Variants in PRDM5 observed in about 807,000 individuals in gnomAD.
The protein encoded by PRDM5 is PR/SET domain 5.
In PRDM5, 56 loss-of-function variants were observed where a neutral mutation model predicts 81.2. The observed-to-expected ratio is 0.69, with a 90% CI of 0.56 to 0.86. The LOEUF is 0.86. PRDM5 is among the 40% of genes least tolerant of loss of function. The pLI, the probability that PRDM5 is intolerant of heterozygous loss-of-function variation, is 0.00. For synonymous variants in PRDM5, 267 were observed against 256.4 expected (o/e 1.04, Z -0.39); for missense variants, 697 against 770.1 (o/e 0.91, Z 1.12).
chr4:120,814,140 C>CT (rs1217274946), intron 7 of PRDM5, among the ~76,000 whole-genome samples: 2 of 152,140 alleles, frequency 1.3e-5, no homozygotes, highest in Non-Finnish European at 2.9e-5. Context: ...TGCAAAGTCT[C>CT]TTTGTCAGCA....
rs11935624 is a variant in PRDM5 at position 120,794,151 on chromosome 4, A to G, written c.1188+4116T>C. The stretch of plus-strand genomic sequence containing the variant: ...CATTGTGAACGTGCTTCTAGCATAC[A>G]AAGATAGGTGATTTTGTACAATATA... On this transcript the variant is annotated intron_variant, in intron 10 of 15. Transcript: ENST00000264808. Among the ~76,000 whole-genome samples, 1,301 of 152,234 alleles carry G rather than the reference A, an allele frequency of 8.5e-3. 22 individuals are homozygous for G. The highest frequency in any genetic ancestry group is 0.03 in the African/African-American group (1,247 of 41,544).
intron 13 of PRDM5, among the ~76,000 whole-genome samples, chr4:120,757,756 C>G (rs930064891): frequency 2.6e-5 from 4 of 151,646 alleles, no homozygotes; most frequent in Non-Finnish European, 1.5e-5. Context: ...TCTCACTCAT[C>G]TTTCTCTTCT....
chr4:120,798,294 G>A lies in PRDM5; in HGVS notation c.1161C>T (p.His387=). Residue 387 remains histidine, a synonymous_variant, in exon 10 of 16, where the codon CAC becomes CAT. Transcript: ENST00000264808. ...TCTTATGATTCTTGTAAACATTTCTGTGGGCAAATCCCTTTCCACAAAGTT... is the reference window on the plus strand; with the variant it reads ...TCTTATGATTCTTGTAAACATTTCTATGGGCAAATCCCTTTCCACAAAGTT... ...KCKLCGKGFA[H]RNVYKNHKKT... 3.1e-6 allele frequency: 5 copies of A among 1,606,942 alleles called. No homozygotes were observed. Among genetic ancestry groups the A allele is most frequent in the Non-Finnish European group, 4.2e-6 (5 of 1,176,760 alleles).
rs1179995272 is a variant in PRDM5, at chr4:120,922,534, C to A, written c.75G>T (p.Thr25=). 1 of 1,607,808 alleles carries A rather than the reference C, an allele frequency of 6.2e-7. No homozygotes were observed. The highest frequency in any genetic ancestry group is 1.1e-5 in the South Asian group (1 of 90,318). The change falls in exon 1 of 16, where the codon ACG becomes ACT. Residue 25 remains threonine (T), a synonymous_variant. Coordinates refer to ENST00000264808, the MANE Select transcript of PRDM5 (RefSeq NM_018699.4). The part of the protein sequence containing the change: ...SRVQDGMGLY[T]ARRVRKGEKF... ...CACCCACCTTTCGCACTCTGCGGGC[C>A]GTGTAGAGCCCCATGCCGTCCTGAA... is the stretch of plus-strand genomic sequence containing the variant.
chr4:120,859,547 A>C (rs1053092021), intron 2 of PRDM5, among the ~76,000 whole-genome samples: 3 of 152,144 alleles, frequency 2.0e-5, no homozygotes, highest in African/African-American at 7.2e-5. Context: ...TCAAGGAACA[A>C]ACATAGTACT....
chr4:120,845,319 C>T (rs1588522), intron 3 of PRDM5, among the ~76,000 whole-genome samples: 7,961 of 152,218 alleles, frequency 0.052, 323 homozygotes, highest in African/African-American at 0.12. Context: ...AGAAGTGACA[C>T]CTGGATTCAA....
chr4:120,907,707 A>G (rs1765994543), intron 1 of PRDM5, 150 bp from the exon 2 acceptor site: 1 of 727,826 alleles, frequency 1.4e-6, no homozygotes, highest in Admixed American at 2.1e-5. Context: ...ACCCAACACA[A>G]AATGTTTATT....
intron 2 of PRDM5, among the ~76,000 whole-genome samples, 167 bp from the exon 3 acceptor site, chr4:120,853,707 A>C (rs1205564990): frequency 2.0e-5 from 3 of 152,192 alleles, no homozygotes; most frequent in African/African-American, 7.2e-5. Flanking sequence ...ACATGTAGAA[A>C]TACAGCCTAC....
At chr4:120,777,678 G>C (rs1748388826) in intron 12 of PRDM5, among the ~76,000 whole-genome samples, 1 of 152,052 alleles carries the variant, frequency 6.6e-6, no homozygotes. Flanking sequence ...TTTAACTCTT[G>C]AGGACAGAAT....
chr4:120,830,041 C>T (rs562663620), intron 3 of PRDM5, among the ~76,000 whole-genome samples: 50 of 152,138 alleles, frequency 3.3e-4, no homozygotes, highest in African/African-American at 1.2e-3. Context: ...ATGTCTATAG[C>T]ACTCAACATA....
At chr4:120,792,754 T>C (rs922416997) in intron 10 of PRDM5, among the ~76,000 whole-genome samples, 1 of 152,206 alleles carries the variant, frequency 6.6e-6, no homozygotes, top group Admixed American at 6.5e-5. Flanking sequence ...CTGTCATTTT[T>C]GGCAACATTA....
At chr4:120,734,783 C>T (rs370427861) in intron 14 of PRDM5, among the ~76,000 whole-genome samples, 1 of 152,208 alleles carries the variant, frequency 6.6e-6, no homozygotes, top group South Asian at 2.1e-4. Flanking sequence ...AGACTAAACG[C>T]TCCTCTGTTT....
At chr4:120,755,636 G>A (rs932299030) in intron 13 of PRDM5, among the ~76,000 whole-genome samples, 2 of 151,952 alleles carry the variant, frequency 1.3e-5, no homozygotes, top group Non-Finnish European at 2.9e-5. Flanking sequence ...TCTCTCATGG[G>A]GTCAACAATG....
At chr4:120,814,590 T>C (rs1169961650) in intron 7 of PRDM5, among the ~76,000 whole-genome samples, 1 of 152,208 alleles carries the variant, frequency 6.6e-6, no homozygotes, top group Non-Finnish European at 1.5e-5. Flanking sequence ...TCATCCTCAA[T>C]TCATATCACC....
chr4:120,798,384 G>A lies in PRDM5; in HGVS notation c.1071C>T (p.Phe357=), dbSNP rs1257146262. The part of the protein sequence containing the change: ...PYNCEICNKS[F]KRLDQVGAHK... ...GAGCACCCACTTGATCAAGCCTCTTGAAAGACTTATTACAAATCTCGCAAT... is the reference window on the plus strand; with the variant it reads ...GAGCACCCACTTGATCAAGCCTCTTAAAAGACTTATTACAAATCTCGCAAT... The change falls in exon 10 of 16, where the codon TTC becomes TTT. Residue 357 remains phenylalanine (F), a synonymous_variant. Transcript: ENST00000264808. 1 of 1,612,732 alleles carries A rather than the reference G, an allele frequency of 6.2e-7. No individual in the cohort carries two copies. Among genetic ancestry groups the A allele is most frequent in the South Asian group, 1.1e-5 (1 of 91,040 alleles).
In PRDM5 at chr4:120,754,477, ATAAAGT is replaced by A. The variant is rs1241677437; in HGVS notation, c.1623+70_1623+75del. ...CAGTGTATTGCCTTTATTTTGTAAT[ATAAAGT>A]TAAATATATTTCTTTTAAAATAAGT... On this transcript the variant is annotated intron_variant, in intron 14 of 15. Transcript: ENST00000264808. 2.9e-6 allele frequency: 3 copies of A among 1,020,422 alleles called. No individual in the cohort carries two copies. The East Asian group carries it at 7.9e-5, about 27-fold the overall frequency. 63.2% of individuals were successfully genotyped at this position (1,020,422 alleles called of 1,614,324 possible).
At chr4:120,803,917 TAG>T (rs1752507777) in intron 8 of PRDM5, among the ~76,000 whole-genome samples, 1 of 152,124 alleles carries the variant, frequency 6.6e-6, no homozygotes. Flanking sequence ...GCAAATTGGA[TAG>T]AGAGTCAACA....
intron 3 of PRDM5, among the ~76,000 whole-genome samples, chr4:120,852,038 C>G (rs1384857471): frequency 1.3e-5 from 2 of 152,016 alleles, no homozygotes; most frequent in African/African-American, 4.8e-5. Flanking sequence ...TTAATGTTTC[C>G]TTATTCTTTT....
chr4:120,826,418 T>C, intron 3 of PRDM5, among the ~76,000 whole-genome samples: 1 of 152,134 alleles, frequency 6.6e-6, no homozygotes, highest in East Asian at 1.9e-4. Context: ...ATATCAACTG[T>C]CTTAACTTCA....
Sources: gnomAD v4.1 joint callset for allele counts (sites outside exome capture counted in the v4.1 genomes callset) on GRCh38, gnomAD v4.1.1 for gene constraint, MANE v1.5 for transcripts, NCBI Gene and HGNC (gene_info 2026-07-23, HGNC 2026-07-21) for gene names.